Variants in ZNF254 observed in about 807,000 individuals in gnomAD.
The protein encoded by ZNF254 is CTD-2017D11.1.
ZNF254 carries 10 observed loss-of-function variants against 12.4 expected under a neutral mutation model. The ratio of observed to expected loss-of-function variants is 0.80; its 90% CI spans 0.50 to 1.36. The LOEUF is 1.36. Among genes scored for constraint, ZNF254 ranks in the 40% most tolerant of loss-of-function variants. The pLI, the probability that ZNF254 is intolerant of heterozygous loss-of-function variation, is 0.00. For missense variants in ZNF254, 996 were observed against 763.9 expected, an observed-to-expected ratio of 1.30 and a Z score of -3.58; for synonymous variants, 305 against 253.4, an observed-to-expected ratio of 1.20 and a Z score of -1.93.
At chr19:24,033,500 C>G (rs1351370055) in exon 1 of ZNF254, 1 of 212,810 alleles carries the variant, frequency 4.7e-6, no homozygotes, top group African/African-American at 2.4e-5. Context: ...CGTCTCTGCT[C>G]TTCTGCATTC....
chr19:24,109,690 CTTTTTCT>C (rs749646680), intron 3 of ZNF254, among the ~76,000 whole-genome samples: 64 of 148,424 alleles, frequency 4.3e-4, no homozygotes, highest in Admixed American at 6.1e-4. Context: ...AGCTAATTTT[CTTTTTCT>C]TTTTTCTTTT....
chr19:24,109,293 G>A (rs1973520633), intron 3 of ZNF254, among the ~76,000 whole-genome samples: 1 of 152,042 alleles, frequency 6.6e-6, no homozygotes. Context: ...CATAATAGAT[G>A]CCATTAATTT....
At chr19:24,038,769 T>C (rs1970055012) in intron 1 of ZNF254, among the ~76,000 whole-genome samples, 1 of 152,190 alleles carries the variant, frequency 6.6e-6, no homozygotes, top group Non-Finnish European at 1.5e-5. Flanking sequence ...TCTGCAATCA[T>C]TAATAGCATA....
chr19:24,055,232 A>AAAAAAGGG (rs1555753129), intron 2 of ZNF254, among the ~76,000 whole-genome samples: 2 of 122,542 alleles, frequency 1.6e-5, no homozygotes, highest in African/African-American at 2.8e-5. Context: ...AAAAAAAAAA[A>AAAAAAGGG]GAGTGTACTA....
At chr19:24,041,744 T>A (rs1599570659) in intron 1 of ZNF254, among the ~76,000 whole-genome samples, 1 of 152,240 alleles carries the variant, frequency 6.6e-6, no homozygotes, top group Non-Finnish European at 1.5e-5. Flanking sequence ...GCAGCCCCGG[T>A]GCGGGATCCA....
chr19:24,127,574 A>G lies in ZNF254; in HGVS notation c.1574A>G (p.Lys525Arg), dbSNP rs1974975575. Reference protein sequence around the residue: ...EKPYKCEECGKAFNWSSTLTK... With the variant: ...EKPYKCEECGRAFNWSSTLTK... ...CCCTACAAATGTGAAGAATGTGGCA[A>G]AGCCTTTAACTGGTCCTCAACTCTT... Residue 525 changes from lysine (K) to arginine (R), a missense_variant, in exon 4 of 4, where the codon AAA becomes AGA. Physicochemically the swap from Lys to Arg is conservative, Grantham distance 26. Transcript: ENST00000357002. 2 of 1,608,066 alleles carry G rather than the reference A, an allele frequency of 1.2e-6. No individual in the cohort carries two copies. Among genetic ancestry groups the G allele is most frequent in the Non-Finnish European group, 1.7e-6 (2 of 1,176,852 alleles).
At chr19:24,067,695 CCCTT>C (rs1971327715) in intron 2 of ZNF254, among the ~76,000 whole-genome samples, 1 of 151,726 alleles carries the variant, frequency 6.6e-6, no homozygotes, top group African/African-American at 2.4e-5. Flanking sequence ...GGTGATACGA[CCCTT>C]CCTCTACTGC....
At chr19:24,036,326 G>C (rs1256808716) in intron 1 of ZNF254, among the ~76,000 whole-genome samples, 1 of 152,058 alleles carries the variant, frequency 6.6e-6, no homozygotes, top group Non-Finnish European at 1.5e-5. Flanking sequence ...CAAAGTGCTG[G>C]GATTACAAGT....
chr19:24,039,957 C>T (rs1307154411), intron 1 of ZNF254, among the ~76,000 whole-genome samples: 2 of 152,130 alleles, frequency 1.3e-5, no homozygotes, highest in African/African-American at 2.4e-5. Context: ...TTGGTTAAGT[C>T]GGTTGTTAGT....
At chr19:24,048,618 TTTTG>T (rs1366628725) in intron 2 of ZNF254, among the ~76,000 whole-genome samples, 6 of 152,100 alleles carry the variant, frequency 3.9e-5, no homozygotes, top group African/African-American at 1.2e-4. Context: ...TAGTTCTGTG[TTTTG>T]TTTGTTTGTT....
At chr19:24,102,592 T>G (rs1052194763) in intron 1 of ZNF254, among the ~76,000 whole-genome samples, 1 of 152,166 alleles carries the variant, frequency 6.6e-6, no homozygotes, top group Non-Finnish European at 1.5e-5. Flanking sequence ...ATCAGAGTTT[T>G]GGGTGATGAA....
At chr19:24,095,825 ATT>A (rs933553047) in intron 1 of ZNF254, among the ~76,000 whole-genome samples, 10 of 151,658 alleles carry the variant, frequency 6.6e-5, no homozygotes, top group African/African-American at 1.9e-4. Context: ...ATTTTTTGAT[ATT>A]TTGTAAAGTT....
intron 2 of ZNF254, among the ~76,000 whole-genome samples, chr19:24,057,144 A>G (rs1418842846): frequency 1.3e-5 from 2 of 152,226 alleles, no homozygotes; most frequent in Non-Finnish European, 2.9e-5. Context: ...CAAGTGGTAT[A>G]CAGAGTGTCA....
chr19:24,074,342 C>T (rs951179054), intron 2 of ZNF254, among the ~76,000 whole-genome samples: 2 of 152,172 alleles, frequency 1.3e-5, no homozygotes, highest in African/African-American at 4.8e-5. Context: ...TAGATTGTGA[C>T]ATACTGCTGG....
chr19:24,041,455 C>A (rs1032695367), intron 1 of ZNF254, among the ~76,000 whole-genome samples: 6 of 152,250 alleles, frequency 3.9e-5, no homozygotes, highest in African/African-American at 1.4e-4. Context: ...ACTTAGCACC[C>A]GGGCTAGTGG....
upstream of ZNF254, among the ~76,000 whole-genome samples, chr19:24,085,408 G>GTGTATATATATATATATATATATA (rs1555759074): frequency 3.1e-5 from 1 of 32,710 alleles, no homozygotes; most frequent in Non-Finnish European, 5.4e-5. Flanking sequence ...TTTGTTAAGG[G>GTGTATATATATATATATATATATA]TATATATATA....
rs553810510 is a variant in ZNF254 at position 24,123,228 on chromosome 19, G to T, written c.254-3026G>T. Among the ~76,000 whole-genome samples, 5 of 152,212 alleles carry T rather than the reference G, an allele frequency of 3.3e-5. No individual in the cohort carries two copies. In the South Asian group the frequency reaches 1.0e-3, roughly 32 times the overall value. On this transcript the variant is annotated intron_variant, in intron 3 of 3. Transcript: ENST00000357002. ...TATTTGTAAATTTTTCAGTTTTTCT[G>T]TCTTATTGTTTTATACTCGTACTCC...
rs1975025420 is a variant in ZNF254, at chr19:24,128,039, C to T, written c.*59C>T. ...CTTAATAGATATAAGATTATTCCTA[C>T]TGGAGAGAAACTACAAACCTGAGAG... On this transcript the variant is annotated 3_prime_UTR_variant, in exon 4 of 4. Transcript: ENST00000357002. 4.1e-6 allele frequency: 6 copies of T among 1,448,966 alleles called. No homozygotes were observed. The South Asian group carries it at 8.2e-5, about 20-fold the overall frequency. The allele number at this position is 1,448,966 out of a possible 1,614,324, so 89.8% of individuals were successfully genotyped here. A position where few individuals can be genotyped will look rare whatever the true frequency, so the allele number is the denominator to read the frequency against.
In ZNF254 at chr19:24,126,322, A is replaced by G; in HGVS notation, c.322A>G (p.Ile108Val). ...QGMEDSFQKA[I>V]LRRYGKYGHE... The stretch of plus-strand genomic sequence containing the variant: ...CATGGAAGATTCTTTTCAAAAAGCA[A>G]TACTGAGAAGATATGGAAAATATGG... The change falls in exon 4 of 4, where the codon ATA (isoleucine) becomes GTA (valine). Residue 108 changes from isoleucine to valine, a missense_variant. Transcript: ENST00000357002. The G allele has an allele frequency of 6.2e-7, 1 of 1,601,802 alleles. No homozygotes were observed. The highest frequency in any genetic ancestry group is 2.2e-5 in the East Asian group (1 of 44,754).
Sources: gnomAD v4.1 joint callset for allele counts (sites outside exome capture counted in the v4.1 genomes callset) on GRCh38, gnomAD v4.1.1 for gene constraint, MANE v1.5 for transcripts, NCBI Gene and HGNC (gene_info 2026-07-23, HGNC 2026-07-21) for gene names.